The following NEIL2 variants were observed in gnomAD, a reference collection of about 807,000 sequenced individuals.
NEIL2 encodes the protein endonuclease 8-like 2.
Under a neutral mutation model 22.2 loss-of-function variants are expected in NEIL2, and 23 were observed. That is an observed-to-expected ratio of 1.04 (90% CI 0.75 to 1.47). NEIL2 has a LOEUF of 1.47. Ranked by LOEUF, NEIL2 falls within the 40% of genes most tolerant of loss-of-function variation. The pLI is 0.00. For synonymous variants in NEIL2, 229 were observed against 164.8 expected, an observed-to-expected ratio of 1.39 and a Z score of -2.99; for missense variants, 583 against 404.7, an observed-to-expected ratio of 1.44 and a Z score of -3.78.
At chr8:11,771,829 C>G (rs968152612) in intron 2 of NEIL2, among the ~76,000 whole-genome samples, 7 of 152,156 alleles carry the variant, frequency 4.6e-5, no homozygotes, top group African/African-American at 1.7e-4. Context: ...CTGGAGTGCT[C>G]CTATTCTCTC....
At chr8:11,773,017 G>A (rs8191549) in intron 2 of NEIL2, among the ~76,000 whole-genome samples, 1 of 152,134 alleles carries the variant, frequency 6.6e-6, no homozygotes, top group African/African-American at 2.4e-5. Flanking sequence ...TTCCTTTGGA[G>A]ACTGAGGCTC....
intron 3 of NEIL2, among the ~76,000 whole-genome samples, chr8:11,781,935 A>G (rs1347138377): frequency 6.6e-6 from 1 of 151,998 alleles, no homozygotes; most frequent in Admixed American, 6.6e-5. Flanking sequence ...GTGGGGGTGC[A>G]TACCTGTAGT....
intron 2 of NEIL2, among the ~76,000 whole-genome samples, chr8:11,772,824 C>G (rs1479103307): frequency 1.3e-5 from 2 of 152,176 alleles, no homozygotes; most frequent in Non-Finnish European, 2.9e-5. Context: ...AGCCATTGAC[C>G]TCTTAAAGTT....
Position 11,786,359 on chromosome 8 carries a change from G to C in NEIL2, c.*86G>C. 2 of 1,332,666 alleles carry C rather than the reference G, an allele frequency of 1.5e-6. No individual in the cohort carries two copies. The allele number at this position is 1,332,666 out of a possible 1,614,324, so 82.6% of individuals were successfully genotyped here. A position where few individuals can be genotyped will look rare whatever the true frequency, so the allele number is the denominator to read the frequency against. ...AGAAAGGAGGATGTGGGCAGGGACG[G>C]GGTACAGAGGATAGTGTGGGTCAGA... On this transcript the variant is annotated 3_prime_UTR_variant, in exon 5 of 5. Coordinates refer to ENST00000284503, the MANE Select transcript of NEIL2 (RefSeq NM_145043.4).
In NEIL2 at chr8:11,786,164, T is replaced by C; in HGVS notation, c.890T>C (p.Val297Ala). The C allele has an allele frequency of 2.5e-6, 4 of 1,613,866 alleles. No homozygotes were observed. Among genetic ancestry groups the C allele is most frequent in the Non-Finnish European group, 3.4e-6 (4 of 1,179,974 alleles). ...QKEQCPAGHQ[V>A]MKEAFGPEDG... is the part of the protein sequence containing the mutation. ...GAACAGTGCCCTGCTGGCCACCAGG[T>C]CATGAAGGAGGCGTTTGGGCCCGAA... The change falls in exon 5 of 5, where the codon GTC becomes GCC. Residue 297 changes from valine to alanine, a missense_variant. Coordinates refer to ENST00000284503, the MANE Select transcript of NEIL2 (RefSeq NM_145043.4).
chr8:11,781,054 TG>T (rs1804376837), intron 3 of NEIL2, among the ~76,000 whole-genome samples: 1 of 152,206 alleles, frequency 6.6e-6, no homozygotes, highest in Non-Finnish European at 1.5e-5. Flanking sequence ...TTTTCTTGGT[TG>T]CTTGTAGGTT....
chr8:11,774,596 C>A (rs1038333090), intron 2 of NEIL2, among the ~76,000 whole-genome samples: 1 of 152,142 alleles, frequency 6.6e-6, no homozygotes, highest in Non-Finnish European at 1.5e-5. Flanking sequence ...CCCCAAAAGT[C>A]TTAATTCATT....
chr8:11,786,168 G>C lies in NEIL2; in HGVS notation c.894G>C (p.Met298Ile), dbSNP rs1203225452. The C allele has an allele frequency of 6.2e-7, 1 of 1,613,946 alleles. No individual in the cohort carries two copies. The highest frequency in any genetic ancestry group is 1.1e-5 in the South Asian group (1 of 91,072). The change falls in exon 5 of 5, where the codon ATG becomes ATC. Residue 298 changes from methionine (M) to isoleucine (I), a missense_variant. Met to Ile is a conservative substitution (Grantham distance 10). Coordinates refer to ENST00000284503, the MANE Select transcript of NEIL2 (RefSeq NM_145043.4). ...AGTGCCCTGCTGGCCACCAGGTCAT[G>C]AAGGAGGCGTTTGGGCCCGAAGATG... Reference protein sequence around the residue: ...KEQCPAGHQVMKEAFGPEDGL... With the variant: ...KEQCPAGHQVIKEAFGPEDGL...
chr8:11,787,264 G>A lies in NEIL2; in HGVS notation c.*991G>A, dbSNP rs1215939668. On this transcript the variant is annotated 3_prime_UTR_variant, in exon 5 of 5. Transcript: ENST00000284503. ...TTGAACAATTCAGGAATCAAGGGCT[G>A]TGGAGAAACTCCCTCATGTTGTTGG... The A allele has an allele frequency of 6.5e-6, 1 of 152,708 alleles. No homozygotes were observed. Among genetic ancestry groups the A allele is most frequent in the East Asian group, 1.9e-4 (1 of 5,200 alleles). 9.5% of individuals were successfully genotyped at this position (152,708 alleles called of 1,614,324 possible). A position where few individuals can be genotyped will look rare whatever the true frequency, so the allele number is the denominator to read the frequency against.
In NEIL2 at chr8:11,783,398, A is replaced by T. The variant is rs200245781; in HGVS notation, c.687A>T (p.Leu229=). 3.7e-6 allele frequency: 6 copies of T among 1,613,700 alleles called. No individual in the cohort carries two copies. The highest frequency in any genetic ancestry group is 5.1e-6 in the Non-Finnish European group (6 of 1,179,702). The part of the protein sequence containing the change: ...TLLDQRYFSG[L]GNIIKNEALY... ...TGGACCAGAGATACTTCTCAGGGCT[A>T]GGTATGACTCATGGGAAAGGGGTGA... Residue 229 remains leucine, a splice_region_variant and synonymous_variant, in exon 4 of 5, where the codon CTA becomes CTT. Coordinates refer to ENST00000284503, the MANE Select transcript of NEIL2 (RefSeq NM_145043.4).
Position 11,786,499 on chromosome 8 carries a change from C to T in NEIL2, c.*226C>T. 3 of 587,356 alleles carry T rather than the reference C, an allele frequency of 5.1e-6. No individual in the cohort carries two copies. Among genetic ancestry groups the T allele is most frequent in the Non-Finnish European group, 9.1e-6 (3 of 329,450 alleles). 36.4% of individuals were successfully genotyped at this position (587,356 alleles called of 1,614,324 possible). Reference sequence around the variant, plus strand: ...AGTTAATTCATCCTGTTGAATTGCACCATCGTGAAAGATGGGAAAAATCGT... The same window carrying T: ...AGTTAATTCATCCTGTTGAATTGCATCATCGTGAAAGATGGGAAAAATCGT... On this transcript the variant is annotated 3_prime_UTR_variant, in exon 5 of 5. Coordinates refer to ENST00000284503, the MANE Select transcript of NEIL2 (RefSeq NM_145043.4).
intron 2 of NEIL2, among the ~76,000 whole-genome samples, chr8:11,772,957 G>A (rs1314850835): frequency 6.6e-6 from 1 of 151,766 alleles, no homozygotes; most frequent in Admixed American, 6.6e-5. Context: ...TTTTAAAACC[G>A]TTGTTAGTTA....
chr8:11,785,969 T>A lies in NEIL2; in HGVS notation c.695T>A (p.Ile232Asn). Residue 232 changes from isoleucine (I) to asparagine (N), a missense_variant, in exon 5 of 5, where the codon ATC (isoleucine) becomes AAC (asparagine). Coordinates refer to ENST00000284503, the MANE Select transcript of NEIL2 (RefSeq NM_145043.4). ...TTCCCCCGCTTTATTTCAGGGAACA[T>A]CATTAAGAATGAAGCCTTGTACAGA... is the stretch of plus-strand genomic sequence containing the variant. ...DQRYFSGLGN[I>N]IKNEALYRAG... 1 of 1,614,016 alleles carries A rather than the reference T, an allele frequency of 6.2e-7. No homozygotes were observed. Among genetic ancestry groups the A allele is most frequent in the Non-Finnish European group, 8.5e-7 (1 of 1,179,914 alleles).
In NEIL2 at chr8:11,783,188, G is replaced by C; in HGVS notation, c.492-15G>C. Reference sequence around the variant, plus strand: ...TGGTAACGATGTGTACATATGACCTGTTCTTTCTTCCCAGGTTGGTCCTGC... The same window carrying C: ...TGGTAACGATGTGTACATATGACCTCTTCTTTCTTCCCAGGTTGGTCCTGC... On this transcript the variant is annotated splice_polypyrimidine_tract_variant and intron_variant, in intron 3 of 4. Coordinates refer to ENST00000284503, the MANE Select transcript of NEIL2 (RefSeq NM_145043.4). The C allele has an allele frequency of 6.2e-7, 1 of 1,613,690 alleles. No individual in the cohort carries two copies. Among genetic ancestry groups the C allele is most frequent in the South Asian group, 1.1e-5 (1 of 91,074 alleles).
intron 2 of NEIL2, among the ~76,000 whole-genome samples, chr8:11,772,152 G>A (rs1010425178): frequency 6.6e-6 from 1 of 152,190 alleles, no homozygotes; most frequent in Non-Finnish European, 1.5e-5. Context: ...GCAGTGAGAT[G>A]AGATTGTGCT....
chr8:11,770,398 G>A (rs1238466377), intron 1 of NEIL2, 63 bp downstream of exon 1: 3 of 152,162 alleles, frequency 2.0e-5, no homozygotes, highest in Non-Finnish European at 4.4e-5. Context: ...CCTGGGGAGT[G>A]TCTGGAAAGC....
chr8:11,775,374 A>T (rs1327067766), intron 2 of NEIL2, among the ~76,000 whole-genome samples: 1 of 152,204 alleles, frequency 6.6e-6, no homozygotes, highest in African/African-American at 2.4e-5. Flanking sequence ...AGGGGCTAGG[A>T]CACAGGGCAC....
chr8:11,777,234 C>A (rs967066041), intron 2 of NEIL2, among the ~76,000 whole-genome samples: 1 of 151,904 alleles, frequency 6.6e-6, no homozygotes, highest in African/African-American at 2.4e-5. Context: ...CTCAAGCAAT[C>A]CTCTCGTCTC....
chr8:11,783,465 T>C, intron 4 of NEIL2, 66 bp downstream of exon 4: 1 of 1,415,040 alleles, frequency 7.1e-7, no homozygotes. Context: ...CCTGTGGGAG[T>C]CAGAAGACCT....
Sources: allele counts gnomAD v4.1 joint callset (sites outside exome capture counted in the v4.1 genomes callset), GRCh38; gene constraint gnomAD v4.1.1; transcripts MANE v1.5; gene names NCBI Gene and HGNC (gene_info 2026-07-23, HGNC 2026-07-21).